The following AR variants were observed in gnomAD, a reference collection of about 807,000 sequenced individuals.
AR encodes dihydrotestosterone receptor.
A neutral mutation model predicts 53.9 loss-of-function variants in AR; 8 were observed. The observed-to-expected ratio is 0.15, with a 90% CI of 0.09 to 0.27. The LOEUF (loss-of-function observed/expected upper bound fraction) is 0.27, where lower values mean the gene tolerates loss of function less well. Among genes scored for constraint, AR ranks in the 10% least tolerant of loss-of-function variants. The pLI, the probability that AR is intolerant of heterozygous loss-of-function variation, is 1.00. For missense variants in AR, 639 were observed against 742.5 expected (o/e 0.86, Z 1.62); for synonymous variants, 359 against 316.4 (o/e 1.13, Z -1.43).
intron 6 of AR, among the ~76,000 whole-genome samples, 199 bp from the exon 7 acceptor site, chrX:67,722,628 G>A (rs1165916568): frequency 2.7e-5 from 3 of 111,286 alleles, no homozygotes; most frequent in South Asian, 3.8e-4. Flanking sequence ...CTTTCAGATC[G>A]GATCCAGCTA....
At chrX:67,568,619 G>T (rs887364859) in intron 1 of AR, among the ~76,000 whole-genome samples, 1 of 111,563 alleles carries the variant, frequency 9.0e-6, no homozygotes, top group African/African-American at 3.3e-5. Flanking sequence ...TTTTTCAGAG[G>T]CCTGGCAGTC....
intron 2 of AR, among the ~76,000 whole-genome samples, chrX:67,672,754 A>G (rs981016062): frequency 5.9e-4 from 66 of 111,455 alleles, no homozygotes; most frequent in African/African-American, 2.1e-3. Flanking sequence ...GGTTCATCTC[A>G]TAGTCTTTCT....
chrX:67,561,919 A>G (rs947628369), intron 1 of AR, among the ~76,000 whole-genome samples: 1 of 105,884 alleles, frequency 9.4e-6, no homozygotes, highest in African/African-American at 3.5e-5. Flanking sequence ...AGTTCAGTAA[A>G]CGAAAGAGGT....
intron 2 of AR, among the ~76,000 whole-genome samples, chrX:67,650,773 A>G (rs996840653): frequency 2.7e-5 from 3 of 111,796 alleles, no homozygotes; most frequent in Non-Finnish European, 5.6e-5. Context: ...CTCTTGATAA[A>G]GGGAACAAGG....
intron 1 of AR, among the ~76,000 whole-genome samples, chrX:67,623,749 A>T (rs1022982294): frequency 8.9e-6 from 1 of 111,821 alleles, no homozygotes; most frequent in Non-Finnish European, 1.9e-5. Context: ...AGTCAGATTG[A>T]ATAAGAAAAA....
intron 1 of AR, among the ~76,000 whole-genome samples, chrX:67,571,380 G>A (rs748001861): frequency 9.0e-5 from 10 of 111,244 alleles, no homozygotes; most frequent in Non-Finnish European, 1.5e-4. Flanking sequence ...CTTAATGGGC[G>A]CAACCATGAT....
At chrX:67,615,277 A>T (rs1265761047) in intron 1 of AR, among the ~76,000 whole-genome samples, 1 of 111,457 alleles carries the variant, frequency 9.0e-6, no homozygotes, top group Middle Eastern at 4.3e-3. Flanking sequence ...TGATACTTAG[A>T]TACATCATAG....
intron 1 of AR, among the ~76,000 whole-genome samples, chrX:67,616,137 CA>C (rs1263893059): frequency 2.9e-4 from 32 of 110,873 alleles, no homozygotes; most frequent in African/African-American, 9.8e-4. Flanking sequence ...GAAAATGATG[CA>C]AAAATACAGT....
rs773724146 is a variant in AR, at chrX:67,727,125, T to C, written c.*3284T>C. On this transcript the variant is annotated 3_prime_UTR_variant, in exon 8 of 8. Coordinates refer to ENST00000374690, the MANE Select transcript of AR (RefSeq NM_000044.6). ...GGGCAGCTCGCCTAGGCCCAGCCTCTGAGCTGACATGGGAGTTGTTGGATT... is the reference window on the plus strand; with the variant it reads ...GGGCAGCTCGCCTAGGCCCAGCCTCCGAGCTGACATGGGAGTTGTTGGATT... 1.7e-5 allele frequency: 3 copies of C among 171,673 alleles called. No homozygotes were observed. In the South Asian group the frequency reaches 9.4e-4, roughly 54 times the overall value. The allele number at this position is 171,673 out of a possible 1,213,427, so 14.1% of individuals were successfully genotyped here.
At chrX:67,674,415 C>T (rs764432299) in intron 2 of AR, among the ~76,000 whole-genome samples, 3 of 110,952 alleles carry the variant, frequency 2.7e-5, no homozygotes, top group Non-Finnish European at 5.7e-5. Context: ...GTCTTATGTC[C>T]TTCCCTTCAG....
intron 1 of AR, among the ~76,000 whole-genome samples, chrX:67,562,152 G>A (rs1315775966): frequency 9.3e-6 from 1 of 108,044 alleles, no homozygotes; most frequent in African/African-American, 3.4e-5. Context: ...TAGTAGAGAC[G>A]GAGATTTCAT....
rs2076154504 is a variant in AR at position 67,725,607 on chromosome X, C to A, written c.*1766C>A. On this transcript the variant is annotated 3_prime_UTR_variant, in exon 8 of 8. Coordinates refer to ENST00000374690, the MANE Select transcript of AR (RefSeq NM_000044.6). ...ACTACTGAATTAAAATCTTCAGCGG[C>A]AAAGCCTAAAGCCAGATGGACACCA... 2.3e-5 allele frequency: 4 copies of A among 175,786 alleles called. No individual in the cohort carries two copies. In the East Asian group the frequency reaches 3.2e-4, roughly 14 times the overall value. 14.5% of individuals were successfully genotyped at this position (175,786 alleles called of 1,213,427 possible). A position where few individuals can be genotyped will look rare whatever the true frequency, so the allele number is the denominator to read the frequency against.
intron 3 of AR, among the ~76,000 whole-genome samples, chrX:67,707,349 ATAGT>A (rs1470554738): frequency 8.9e-6 from 1 of 111,986 alleles, no homozygotes; most frequent in African/African-American, 3.3e-5. Flanking sequence ...TATATTTAGG[ATAGT>A]TAGTTCTTCT....
chrX:67,717,813 G>T (rs1326090851), intron 5 of AR, among the ~76,000 whole-genome samples, 191 bp downstream of exon 5: 1 of 113,002 alleles, frequency 8.8e-6, no homozygotes, highest in Non-Finnish European at 1.9e-5. Flanking sequence ...AGGAGCCCAG[G>T]AGGATGGTGC....
At chrX:67,552,933 A>G (rs1423318053) in intron 1 of AR, among the ~76,000 whole-genome samples, 2 of 111,866 alleles carry the variant, frequency 1.8e-5, no homozygotes, top group Non-Finnish European at 3.8e-5. Flanking sequence ...TTCTGGATAC[A>G]TGTCCTTTAA....
At chrX:67,608,627 C>G (rs1196596281) in intron 1 of AR, among the ~76,000 whole-genome samples, 2 of 111,502 alleles carry the variant, frequency 1.8e-5, no homozygotes, top group African/African-American at 3.3e-5. Context: ...GAAATTCAGA[C>G]CTGCAATGAA....
At chrX:67,550,173 A>G (rs945466384) in intron 1 of AR, among the ~76,000 whole-genome samples, 2 of 111,914 alleles carry the variant, frequency 1.8e-5, no homozygotes, top group African/African-American at 6.5e-5. Flanking sequence ...TCACAGCTCA[A>G]GTCAGCCAAA....
At chrX:67,678,081 AG>A (rs1359230838) in intron 2 of AR, among the ~76,000 whole-genome samples, 2 of 110,287 alleles carry the variant, frequency 1.8e-5, no homozygotes, top group African/African-American at 6.6e-5. Flanking sequence ...TCTGTAAAAT[AG>A]GGGGGTATGA....
At chrX:67,670,996 A>G (rs1367814157) in intron 2 of AR, among the ~76,000 whole-genome samples, 1 of 111,777 alleles carries the variant, frequency 8.9e-6, no homozygotes, top group African/African-American at 3.2e-5. Flanking sequence ...TTTATCCAGT[A>G]TATCATTGAT....
Sources: gnomAD v4.1 joint callset for allele counts (sites outside exome capture counted in the v4.1 genomes callset) on GRCh38, gnomAD v4.1.1 for gene constraint, MANE v1.5 for transcripts, NCBI Gene and HGNC (gene_info 2026-07-23, HGNC 2026-07-21) for gene names.